Variants in STAC observed in about 807,000 individuals in gnomAD.
STAC encodes the protein SH3 and cysteine rich domain.
STAC carries 43 observed loss-of-function variants against 48.8 expected under a neutral mutation model. The observed-to-expected ratio is 0.88, with a 90% confidence interval of 0.69 to 1.14. The LOEUF (loss-of-function observed/expected upper bound fraction) is 1.14. STAC is among the 50% of genes most tolerant of loss of function. The pLI, the probability that STAC is intolerant of heterozygous loss-of-function variation, is 0.00. For missense variants in STAC, 497 were observed against 504.0 expected, an observed-to-expected ratio of 0.99 and a Z score of 0.13; for synonymous variants, 193 against 179.5, an observed-to-expected ratio of 1.07 and a Z score of -0.60.
At chr3:36,495,541 T>A (rs1405168577) in intron 6 of STAC, among the ~76,000 whole-genome samples, 1 of 152,252 alleles carries the variant, frequency 6.6e-6, no homozygotes, top group Non-Finnish European at 1.5e-5. Flanking sequence ...GCAAACTCTA[T>A]CTGCTGCTTC....
intron 1 of STAC, among the ~76,000 whole-genome samples, chr3:36,411,389 T>C (rs1387026035): frequency 2.6e-5 from 4 of 152,222 alleles, no homozygotes; most frequent in South Asian, 4.1e-4. Context: ...TAACTTTATC[T>C]GTATCTTCTG....
chr3:36,429,450 G>A (rs892190547), intron 1 of STAC, among the ~76,000 whole-genome samples: 6 of 152,196 alleles, frequency 3.9e-5, no homozygotes, highest in African/African-American at 1.2e-4. Context: ...TCCACTGTAG[G>A]AGGAGACCTG....
At chr3:36,480,692 A>T (rs972546266) in intron 2 of STAC, among the ~76,000 whole-genome samples, 6 of 152,256 alleles carry the variant, frequency 3.9e-5, no homozygotes, top group Non-Finnish European at 8.8e-5. Flanking sequence ...CTCATCTTTG[A>T]AATGAAATAA....
intron 8 of STAC, among the ~76,000 whole-genome samples, chr3:36,510,029 C>T (rs1338214642): frequency 6.6e-6 from 1 of 152,010 alleles, no homozygotes; most frequent in Admixed American, 6.6e-5. Context: ...AGGCAACCTA[C>T]AGAATGGGAG....
intron 10 of STAC, among the ~76,000 whole-genome samples, chr3:36,540,456 A>C (rs907274486): frequency 6.6e-6 from 1 of 152,172 alleles, no homozygotes; most frequent in Non-Finnish European, 1.5e-5. Context: ...TAATCACTTG[A>C]GCCCTTAAGA....
At chr3:36,509,922 A>G (rs1698494789) in intron 8 of STAC, among the ~76,000 whole-genome samples, 1 of 152,114 alleles carries the variant, frequency 6.6e-6, no homozygotes, top group Non-Finnish European at 1.5e-5. Context: ...TGACTAAAAC[A>G]CCAAAAGCAA....
chr3:36,522,885 G>C (rs1275566802), intron 8 of STAC, among the ~76,000 whole-genome samples: 2 of 152,158 alleles, frequency 1.3e-5, no homozygotes, highest in African/African-American at 4.8e-5. Flanking sequence ...CTTCCTCCAA[G>C]ACCCCACCCT....
At chr3:36,517,419 G>A (rs1036482199) in intron 8 of STAC, among the ~76,000 whole-genome samples, 6 of 152,162 alleles carry the variant, frequency 3.9e-5, no homozygotes, top group African/African-American at 9.7e-5. Flanking sequence ...GGAGGCCAAC[G>A]CAGGTGTATT....
At chr3:36,528,218 C>T (rs1328306229) in intron 8 of STAC, among the ~76,000 whole-genome samples, 4 of 152,120 alleles carry the variant, frequency 2.6e-5, no homozygotes, top group African/African-American at 9.7e-5. Flanking sequence ...CGCCTGTAAT[C>T]CCAACACTTT....
intron 2 of STAC, among the ~76,000 whole-genome samples, chr3:36,478,608 C>G (rs1201073934): frequency 6.6e-6 from 1 of 152,134 alleles, no homozygotes; most frequent in Non-Finnish European, 1.5e-5. Flanking sequence ...GATTCTCATG[C>G]CTCAGTCTCC....
intron 10 of STAC, among the ~76,000 whole-genome samples, chr3:36,538,907 T>C (rs141609759): frequency 5.6e-4 from 85 of 152,316 alleles, no homozygotes; most frequent in African/African-American, 1.9e-3. Flanking sequence ...AGTTTATCAT[T>C]TGCCCTTCAC....
chr3:36,511,494 T>G (rs1443372515), intron 8 of STAC, among the ~76,000 whole-genome samples: 1 of 152,194 alleles, frequency 6.6e-6, no homozygotes, highest in Non-Finnish European at 1.5e-5. Context: ...TAGAGCAGGA[T>G]AGAAAAGGCT....
At chr3:36,477,793 C>T (rs1034845425) in intron 2 of STAC, among the ~76,000 whole-genome samples, 3 of 152,174 alleles carry the variant, frequency 2.0e-5, no homozygotes, top group African/African-American at 7.2e-5. Flanking sequence ...TAGCCCAGAA[C>T]TTCAAATGCC....
chr3:36,441,962 G>A (rs1245930902), intron 1 of STAC, among the ~76,000 whole-genome samples: 2 of 151,946 alleles, frequency 1.3e-5, no homozygotes, highest in Admixed American at 6.6e-5. Context: ...TTGCCATTGA[G>A]ATGCTTGAGT....
At position 36,485,007 on chromosome 3, in the gene STAC, C is replaced by G. The variant is rs756277656; in HGVS notation, c.520C>G (p.Pro174Ala). The G allele has an allele frequency of 5.0e-6, 8 of 1,604,264 alleles. No homozygotes were observed. The highest frequency in any genetic ancestry group is 6.8e-6 in the Non-Finnish European group (8 of 1,175,560). Residue 174 changes from proline to alanine, a missense_variant, in exon 4 of 11, where the codon CCC (proline) becomes GCC (alanine). Physicochemically the swap from Pro to Ala is conservative, Grantham distance 27 (BLOSUM62 -1). Coordinates refer to ENST00000273183, the MANE Select transcript of STAC (RefSeq NM_003149.3). Reference protein sequence around the residue: ...PKGFRRYYSSPLLIHEQFGCI... With the variant: ...PKGFRRYYSSALLIHEQFGCI... ...GGGGTTTCGGCGTTACTACAGCTCC[C>G]CCTTGCTCATTCATGAACAGTTTGG... is the stretch of plus-strand genomic sequence containing the variant.
At chr3:36,488,542 T>C (rs566547461) in intron 5 of STAC, among the ~76,000 whole-genome samples, 202 of 152,336 alleles carry the variant, frequency 1.3e-3, no homozygotes, top group South Asian at 2.9e-3. Flanking sequence ...GTCACATTCC[T>C]TTAGTTCAAG....
intron 4 of STAC, among the ~76,000 whole-genome samples, chr3:36,485,471 T>C (rs1265565108): frequency 6.6e-6 from 1 of 152,224 alleles, no homozygotes; most frequent in Admixed American, 6.5e-5. Flanking sequence ...TCATAATTGC[T>C]ATAAAAAATA....
At chr3:36,449,620 C>T (rs1696624704) in intron 2 of STAC, among the ~76,000 whole-genome samples, 1 of 152,118 alleles carries the variant, frequency 6.6e-6, no homozygotes, top group African/African-American at 2.4e-5. Flanking sequence ...ATGCCTGCTG[C>T]CAAGTACTGT....
At chr3:36,398,359 GAAA>G (rs1699906594) in intron 1 of STAC, among the ~76,000 whole-genome samples, 1 of 131,668 alleles carries the variant, frequency 7.6e-6, no homozygotes, top group South Asian at 2.4e-4. Flanking sequence ...AAGAAAGAAA[GAAA>G]GAAAGAAAAG....
Sources: allele counts gnomAD v4.1 joint callset (sites outside exome capture counted in the v4.1 genomes callset), GRCh38; gene constraint gnomAD v4.1.1; transcripts MANE v1.5; gene names NCBI Gene and HGNC (gene_info 2026-07-23, HGNC 2026-07-21).